The following LCORL variants were observed in gnomAD, a reference collection of about 807,000 sequenced individuals.
The protein encoded by LCORL is ligand-dependent nuclear receptor corepressor-like protein.
Under a neutral mutation model 141.8 loss-of-function variants are expected in LCORL, and 41 were observed. The observed-to-expected ratio is 0.29, with a 90% CI of 0.23 to 0.38. The LOEUF (loss-of-function observed/expected upper bound fraction) is 0.38, where lower values mean the gene tolerates loss of function less well. LCORL is among the 10% of genes least tolerant of loss of function. LCORL has a pLI of 1.00. For synonymous variants in LCORL, 618 were observed against 694.1 expected (o/e 0.89, Z 1.72); for missense variants, 1,759 against 2,035.0 (o/e 0.86, Z 2.61).
At chr4:17,858,729 A>AAATAATAATAATAATAATAAT (rs567498935) in intron 7 of LCORL, among the ~76,000 whole-genome samples, 11 of 149,110 alleles carry the variant, frequency 7.4e-5, no homozygotes, top group African/African-American at 2.7e-4. Flanking sequence ...ACTCCATCTC[A>AAATAATAATAATAATAATAAT]AATAATAATA....
Position 18,013,919 on chromosome 4 carries a change from T to G in LCORL, c.154+7679A>C, listed in dbSNP as rs1157851517. ...GCCTCCCGGGTTCAAGCGATTCTTG[T>G]GCCTCAGCCTCCCGAGTAGCTGGGA... On this transcript the variant is annotated intron_variant, in intron 1 of 7. Transcript: ENST00000635767. 3.9e-5 allele frequency among the ~76,000 whole-genome samples: 6 copies of G among 152,154 alleles called. No individual in the cohort carries two copies. In the South Asian group the frequency reaches 8.3e-4, roughly 21 times the overall value.
intron 5 of LCORL, among the ~76,000 whole-genome samples, chr4:17,901,011 T>G (rs1222759717): frequency 1.3e-5 from 2 of 152,134 alleles, no homozygotes; most frequent in African/African-American, 4.8e-5. Context: ...GGTTGGATTG[T>G]GACCCGTGCT....
chr4:17,956,737 G>GT, intron 4 of LCORL, among the ~76,000 whole-genome samples: 1 of 152,064 alleles, frequency 6.6e-6, no homozygotes, highest in African/African-American at 2.4e-5. Flanking sequence ...GTACAGTAGG[G>GT]TGACTACAGT....
intron 1 of LCORL, among the ~76,000 whole-genome samples, chr4:17,981,225 G>T (rs1291333232): frequency 6.6e-6 from 1 of 152,068 alleles, no homozygotes; most frequent in Non-Finnish European, 1.5e-5. Flanking sequence ...AAATCTTTAA[G>T]TGGGATTACT....
chr4:17,876,771 T>C, exon 7 of LCORL: 1 of 1,230,816 alleles, frequency 8.1e-7, no homozygotes, highest in Non-Finnish European at 1.0e-6. Flanking sequence ...TTGTTTTCCA[T>C]CTGCAGATTT....
chr4:17,883,168 T>C, intron 6 of LCORL: 1 of 982,286 alleles, frequency 1.0e-6, no homozygotes, highest in Non-Finnish European at 1.2e-6. Flanking sequence ...GTGCATTTTG[T>C]ATTTCATAGA....
At chr4:17,957,680 G>A (rs2109577428) in intron 4 of LCORL, among the ~76,000 whole-genome samples, 1 of 152,044 alleles carries the variant, frequency 6.6e-6, no homozygotes, top group East Asian at 1.9e-4. Flanking sequence ...TTTTAAGTGT[G>A]TTCTTAGAAT....
chr4:17,981,555 T>C lies in LCORL; in HGVS notation c.155-8670A>G, dbSNP rs1404813709. 3.3e-5 allele frequency among the ~76,000 whole-genome samples: 5 copies of C among 151,958 alleles called. No individual in the cohort carries two copies. In the East Asian group the frequency reaches 7.7e-4, roughly 23 times the overall value. ...GCAGACTGCTTGAGTCTGGGAAACA[T>C]GGTGAAATCTCATCTCTCTCTCTAT... On this transcript the variant is annotated intron_variant, in intron 1 of 7. Transcript: ENST00000635767.
chr4:17,852,927 A>G (rs1723929413), intron 7 of LCORL, among the ~76,000 whole-genome samples: 1 of 152,194 alleles, frequency 6.6e-6, no homozygotes, highest in African/African-American at 2.4e-5. Context: ...TCATAGGGAC[A>G]ATAAACTTGA....
At chr4:17,861,219 T>C (rs1217590229) in intron 7 of LCORL, among the ~76,000 whole-genome samples, 2 of 152,232 alleles carry the variant, frequency 1.3e-5, no homozygotes, top group Non-Finnish European at 2.9e-5. Context: ...TGCAGCAATC[T>C]TTTGCCTGGG....
chr4:17,940,972 T>C (rs1737850465), intron 4 of LCORL, among the ~76,000 whole-genome samples: 1 of 152,206 alleles, frequency 6.6e-6, no homozygotes, highest in Non-Finnish European at 1.5e-5. Context: ...TTCTTGTAAC[T>C]GTGAGGTAGA....
intron 1 of LCORL, among the ~76,000 whole-genome samples, chr4:17,974,694 TTGTG>T (rs1289655328): frequency 1.3e-5 from 2 of 152,128 alleles, no homozygotes; most frequent in African/African-American, 4.8e-5. Context: ...TTTTTTGAGT[TTGTG>T]TATTATAATA....
intron 4 of LCORL, among the ~76,000 whole-genome samples, chr4:17,956,622 G>C (rs867683031): frequency 6.6e-6 from 1 of 151,390 alleles, no homozygotes; most frequent in Non-Finnish European, 1.5e-5. Context: ...TAGAGGTAGA[G>C]AGTAAAATGA....
Position 17,882,937 on chromosome 4 carries a change from A to T in LCORL, c.776+3131T>A, listed in dbSNP as rs1292175391. On this transcript the variant is annotated intron_variant, in intron 6 of 7. Transcript: ENST00000635767. ...TTCAAATGAAAAACAAAACTAAATTATTTTAATAATTAAATTTAAATTATT... is the reference window on the plus strand; with the variant it reads ...TTCAAATGAAAAACAAAACTAAATTTTTTTAATAATTAAATTTAAATTATT... 6.5e-6 allele frequency: 6 copies of T among 919,094 alleles called. No homozygotes were observed. The South Asian group carries it at 3.0e-4, about 46-fold the overall frequency. 56.9% of individuals were successfully genotyped at this position (919,094 alleles called of 1,614,324 possible).
At chr4:17,893,709 G>C in intron 5 of LCORL, 1 of 370,862 alleles carries the variant, frequency 2.7e-6, no homozygotes, top group Non-Finnish European at 3.7e-6. Flanking sequence ...AGTCCAAAAT[G>C]TGTTTTTACA....
exon 5 of LCORL, chr4:17,909,109 G>C (rs1732103598): frequency 6.3e-7 from 1 of 1,597,280 alleles, no homozygotes; most frequent in Admixed American, 1.8e-5. Flanking sequence ...TGAGTATTTT[G>C]TTCTTGCATT....
At chr4:17,888,803 A>G (rs1245992650) in intron 5 of LCORL, among the ~76,000 whole-genome samples, 2 of 152,112 alleles carry the variant, frequency 1.3e-5, no homozygotes, top group Non-Finnish European at 2.9e-5. Flanking sequence ...TTGGCAATTA[A>G]AATTTTACTA....
chr4:17,898,276 CT>C (rs1730302820), intron 5 of LCORL, among the ~76,000 whole-genome samples: 1 of 152,074 alleles, frequency 6.6e-6, no homozygotes, highest in African/African-American at 2.4e-5. Flanking sequence ...GGTAAAATCA[CT>C]TGATATAATT....
chr4:17,876,604 G>A, exon 7 of LCORL: 2 of 1,230,410 alleles, frequency 1.6e-6, no homozygotes, highest in Non-Finnish European at 2.0e-6. Context: ...TTGGCTTTAG[G>A]GGATTTTTTA....
Sources: allele counts gnomAD v4.1 joint callset (sites outside exome capture counted in the v4.1 genomes callset), GRCh38; gene constraint gnomAD v4.1.1; transcripts MANE v1.5; gene names NCBI Gene and HGNC (gene_info 2026-07-23, HGNC 2026-07-21).